SPATA13: variants seen among roughly 807,000 people sequenced by gnomAD.
SPATA13 encodes spermatogenesis-associated protein 13.
A neutral mutation model predicts 104.0 loss-of-function variants in SPATA13; 50 were observed. The observed-to-expected ratio is 0.48, with a 90% confidence interval of 0.38 to 0.61. The LOEUF is 0.61. Among genes scored for constraint, SPATA13 ranks in the 20% least tolerant of loss-of-function variants. SPATA13 has a pLI of 0.00. For missense variants in SPATA13, 1,524 were observed against 1,690.6 expected (o/e 0.90, Z 1.73); for synonymous variants, 606 against 667.5 (o/e 0.91, Z 1.42).
At chr13:24,003,584 C>A (rs760308414) in intron 2 of SPATA13, among the ~76,000 whole-genome samples, 1 of 152,178 alleles carries the variant, frequency 6.6e-6, no homozygotes, top group Non-Finnish European at 1.5e-5. Flanking sequence ...AGATTAGAAC[C>A]TTCATCGTGT....
chr13:23,983,928 G>T, exon 2 of SPATA13: 2 of 985,454 alleles, frequency 2.0e-6, no homozygotes, highest in Non-Finnish European at 2.4e-6. Context: ...CATCCTGGCC[G>T]TGAAGGTAAG....
chr13:24,081,514 A>T (rs574830131), intron 3 of SPATA13, among the ~76,000 whole-genome samples: 1 of 143,246 alleles, frequency 7.0e-6, no homozygotes, highest in East Asian at 2.2e-4. Context: ...ATTTCTTACT[A>T]AAAAAAAAAG....
At chr13:24,192,472 A>G (rs1021226831) in intron 1 of SPATA13, among the ~76,000 whole-genome samples, 1 of 151,946 alleles carries the variant, frequency 6.6e-6, no homozygotes, top group Admixed American at 6.6e-5. Flanking sequence ...TACCCGCTGA[A>G]ACAGCGTCTT....
intron 3 of SPATA13, chr13:24,123,126 AG>A (rs1881094191): frequency 4.9e-6 from 5 of 1,023,024 alleles, no homozygotes; most frequent in Non-Finnish European, 7.8e-6. Context: ...TGCATGGGTA[AG>A]GTCATCATTT....
chr13:24,157,524 T>C (rs980722920), upstream of SPATA13, among the ~76,000 whole-genome samples: 11 of 152,114 alleles, frequency 7.2e-5, no homozygotes, highest in Non-Finnish European at 1.5e-4. Flanking sequence ...ATGGTCTCGA[T>C]CTCCTGACCT....
intron 1 of SPATA13, among the ~76,000 whole-genome samples, chr13:24,201,083 T>C (rs957939356): frequency 1.3e-5 from 2 of 149,774 alleles, no homozygotes; most frequent in African/African-American, 4.9e-5. Flanking sequence ...TGGATTTTGA[T>C]TGGAGGTATT....
At chr13:24,114,734 C>T (rs1337741480) in intron 3 of SPATA13, among the ~76,000 whole-genome samples, 2 of 152,120 alleles carry the variant, frequency 1.3e-5, no homozygotes, top group East Asian at 3.9e-4. Flanking sequence ...ACGATCTTGG[C>T]TCACCACAAC....
Position 24,305,728 on chromosome 13 carries a change from TTTG to T in SPATA13, c.*2956_*2958del, listed in dbSNP as rs1464179682. 8 of 152,328 alleles carry T rather than the reference TTTG, an allele frequency of 5.3e-5. No individual in the cohort carries two copies. The highest frequency in any genetic ancestry group is 5.2e-4 in the Admixed American group (8 of 15,300). 9.4% of individuals were successfully genotyped at this position (152,328 alleles called of 1,614,324 possible). On this transcript the variant is annotated 3_prime_UTR_variant, in exon 13 of 13. Coordinates refer to ENST00000382108, the MANE Select transcript of SPATA13 (RefSeq NM_001166271.3). ...AAGAAAAGAAAAGATGACATAACAT[TTTG>T]ATGAATTTCACCTATTCCATTCTTC...
chr13:24,237,254 G>A (rs60729543), intron 2 of SPATA13, among the ~76,000 whole-genome samples: 1 of 152,070 alleles, frequency 6.6e-6, no homozygotes, highest in African/African-American at 2.4e-5. Flanking sequence ...CTACTCAGGA[G>A]GTGGAGGCTG....
intron 3 of SPATA13, among the ~76,000 whole-genome samples, chr13:24,067,342 T>C (rs1879000581): frequency 7.1e-6 from 1 of 141,072 alleles, no homozygotes; most frequent in Admixed American, 7.2e-5. Flanking sequence ...GCTATATGTA[T>C]GTACCCTTTG....
intron 3 of SPATA13, among the ~76,000 whole-genome samples, chr13:24,138,590 T>A (rs761511407): frequency 3.9e-5 from 6 of 152,118 alleles, no homozygotes; most frequent in Non-Finnish European, 2.9e-5. Flanking sequence ...TTTTGTTTTT[T>A]AATTTATTTT....
intron 4 of SPATA13, among the ~76,000 whole-genome samples, chr13:24,267,434 C>T (rs767705038): frequency 3.3e-5 from 5 of 152,092 alleles, no homozygotes; most frequent in Admixed American, 6.5e-5. Context: ...TCCTGTAATC[C>T]CAAGGATGTT....
chr13:24,092,212 GTGC>G (rs1566100301), intron 3 of SPATA13, among the ~76,000 whole-genome samples: 1 of 152,172 alleles, frequency 6.6e-6, no homozygotes, highest in Non-Finnish European at 1.5e-5. Context: ...TCTTTTAAAA[GTGC>G]TTTTGAGATT....
chr13:24,040,304 G>A (rs549798247), intron 3 of SPATA13, among the ~76,000 whole-genome samples: 1 of 152,302 alleles, frequency 6.6e-6, no homozygotes, highest in Admixed American at 6.5e-5. Context: ...CACAAACCTG[G>A]TTTTTCAAAT....
chr13:24,278,237 G>T (rs144584982), intron 4 of SPATA13, among the ~76,000 whole-genome samples: 42 of 152,270 alleles, frequency 2.8e-4, no homozygotes, highest in Admixed American at 7.2e-4. Context: ...CTGCCCAGTG[G>T]GTAAGAGTTA....
At position 24,205,480 on chromosome 13, in the gene SPATA13, A is replaced by C. The variant is rs1870652102; in HGVS notation, c.-111-17339A>C. 6.6e-6 allele frequency among the ~76,000 whole-genome samples: 1 copy of C among 152,224 alleles called. No homozygotes were observed. The highest frequency in any genetic ancestry group is 1.5e-5 in the Non-Finnish European group (1 of 68,040). On this transcript the variant is annotated intron_variant, in intron 1 of 12. Transcript: ENST00000382108. The surrounding 1 kb of genome is among the most constrained non-coding windows in gnomAD (Gnocchi z 4.1). Reference sequence around the variant, plus strand: ...ACACTCCATGCTATGGATAGGAGGAATCAATATCATAAAAATGGCCATACT... The same window carrying C: ...ACACTCCATGCTATGGATAGGAGGACTCAATATCATAAAAATGGCCATACT...
intron 9 of SPATA13, among the ~76,000 whole-genome samples, chr13:24,293,475 C>T (rs1050360808): frequency 6.6e-6 from 1 of 152,152 alleles, no homozygotes; most frequent in East Asian, 1.9e-4. Context: ...CCTCACTCTT[C>T]AGTAGTTGAT....
At chr13:24,025,836 G>A (rs1379928667) in intron 3 of SPATA13, among the ~76,000 whole-genome samples, 1 of 144,384 alleles carries the variant, frequency 6.9e-6, no homozygotes, top group Non-Finnish European at 1.5e-5. Context: ...TTGAGACGGA[G>A]TCTCACTCTA....
intron 2 of SPATA13, among the ~76,000 whole-genome samples, chr13:24,015,257 T>C (rs1170645517): frequency 1.3e-5 from 2 of 152,134 alleles, no homozygotes; most frequent in African/African-American, 4.8e-5. Context: ...ATACAAAAAG[T>C]CTTATAAGCA....
Sources: allele counts gnomAD v4.1 joint callset (sites outside exome capture counted in the v4.1 genomes callset), GRCh38; gene constraint gnomAD v4.1.1; non-coding constraint Gnocchi (gnomAD v3.1); transcripts MANE v1.5; gene names NCBI Gene and HGNC (gene_info 2026-07-23, HGNC 2026-07-21).